Variants in KAT2B observed in about 807,000 individuals in gnomAD.
KAT2B encodes the protein histone acetyltransferase KAT2B.
Under a neutral mutation model 105.9 loss-of-function variants are expected in KAT2B, and 36 were observed. The ratio of observed to expected loss-of-function variants is 0.34; its 90% CI spans 0.26 to 0.45. The LOEUF is 0.45. KAT2B is among the 20% of genes least tolerant of loss of function. KAT2B has a pLI of 1.00. For synonymous variants in KAT2B, 397 were observed against 377.9 expected (o/e 1.05, Z -0.59); for missense variants, 820 against 1,021.6 (o/e 0.80, Z 2.69).
intron 13 of KAT2B, among the ~76,000 whole-genome samples, chr3:20,140,641 C>T (rs780068967): frequency 1.3e-5 from 2 of 152,096 alleles, no homozygotes; most frequent in Non-Finnish European, 2.9e-5. Context: ...CAGGTGTGTG[C>T]TACCATGCCC....
chr3:20,080,095 G>T (rs1698493594), intron 2 of KAT2B, among the ~76,000 whole-genome samples: 1 of 151,948 alleles, frequency 6.6e-6, no homozygotes, highest in African/African-American at 2.4e-5. Flanking sequence ...TTCCATTCCT[G>T]CATACCTGGC....
intron 1 of KAT2B, among the ~76,000 whole-genome samples, chr3:20,044,989 C>T (rs1351233928): frequency 6.6e-6 from 1 of 152,008 alleles, no homozygotes; most frequent in East Asian, 1.9e-4. Context: ...CTAGGTGTCC[C>T]ACAGATATTG....
At chr3:20,151,432 T>A (rs1240101209) in intron 17 of KAT2B, among the ~76,000 whole-genome samples, 2 of 151,868 alleles carry the variant, frequency 1.3e-5, no homozygotes, top group Non-Finnish European at 2.9e-5. Flanking sequence ...ATATTGGTAG[T>A]CAGAAGTGGG....
chr3:20,090,077 TGTTTATTA>T (rs1698690507), intron 2 of KAT2B, among the ~76,000 whole-genome samples: 1 of 152,146 alleles, frequency 6.6e-6, no homozygotes, highest in Non-Finnish European at 1.5e-5. Flanking sequence ...TTACTGAGTT[TGTTTATTA>T]GTTTTAAAAG....
intron 2 of KAT2B, among the ~76,000 whole-genome samples, chr3:20,074,092 G>GAA (rs60601452): frequency 6.7e-6 from 1 of 149,592 alleles, no homozygotes; most frequent in South Asian, 2.1e-4. Flanking sequence ...AATGAAGAAT[G>GAA]AAAAAAAAAA....
chr3:20,151,646 A>C (rs1041645211), intron 17 of KAT2B, among the ~76,000 whole-genome samples: 2 of 152,172 alleles, frequency 1.3e-5, no homozygotes, highest in Non-Finnish European at 2.9e-5. Flanking sequence ...GTTTAGATGG[A>C]GTACTGTTTT....
At chr3:20,150,583 C>T (rs1408457934) in intron 17 of KAT2B, among the ~76,000 whole-genome samples, 1 of 152,114 alleles carries the variant, frequency 6.6e-6, no homozygotes, top group Non-Finnish European at 1.5e-5. Context: ...AATGGTGTCT[C>T]TATATTTGGT....
chr3:20,120,891 A>T (rs1699296392), intron 8 of KAT2B, among the ~76,000 whole-genome samples: 1 of 152,152 alleles, frequency 6.6e-6, no homozygotes, highest in African/African-American at 2.4e-5. Context: ...TATTTAGCAT[A>T]TGCCACCATT....
At chr3:20,131,819 C>G (rs1026129760) in intron 11 of KAT2B, among the ~76,000 whole-genome samples, 5 of 152,122 alleles carry the variant, frequency 3.3e-5, no homozygotes, top group Admixed American at 6.6e-5. Context: ...CCTCCTTGGC[C>G]CCCCAAAGTG....
chr3:20,054,844 C>A (rs1366434387), intron 1 of KAT2B, among the ~76,000 whole-genome samples: 3 of 152,214 alleles, frequency 2.0e-5, no homozygotes, highest in African/African-American at 7.2e-5. Flanking sequence ...CTACCTGACT[C>A]ATCCCACCTC....
chr3:20,067,652 A>T (rs1297545579), intron 1 of KAT2B, among the ~76,000 whole-genome samples: 3 of 152,000 alleles, frequency 2.0e-5, no homozygotes, highest in African/African-American at 7.2e-5. Flanking sequence ...AGATCCTTGA[A>T]TTCTTTCTTT....
chr3:20,081,736 A>G (rs777247394), intron 2 of KAT2B, among the ~76,000 whole-genome samples: 1 of 152,114 alleles, frequency 6.6e-6, no homozygotes, highest in Non-Finnish European at 1.5e-5. Context: ...CAGGTGGAGG[A>G]AAGATTGTAA....
chr3:20,073,258 A>C (rs532451143), intron 2 of KAT2B, among the ~76,000 whole-genome samples: 2 of 152,150 alleles, frequency 1.3e-5, no homozygotes, highest in Non-Finnish European at 2.9e-5. Flanking sequence ...CAAAATGTCA[A>C]CAAGGCCAGT....
At chr3:20,137,166 A>T in intron 12 of KAT2B, 114 bp downstream of exon 12, 1 of 627,402 alleles carries the variant, frequency 1.6e-6, no homozygotes, top group Non-Finnish European at 2.9e-6. Context: ...AAGAACAGGC[A>T]TTTGTTTTAC....
intron 6 of KAT2B, among the ~76,000 whole-genome samples, chr3:20,112,724 G>A (rs561834803): frequency 6.6e-6 from 1 of 152,316 alleles, no homozygotes. Flanking sequence ...AACTGCTGAT[G>A]TAGAGAATAG....
intron 5 of KAT2B, 103 bp from the exon 6 acceptor site, chr3:20,111,493 T>C (rs926449182): frequency 2.1e-6 from 2 of 965,970 alleles, no homozygotes; most frequent in Admixed American, 2.7e-5. Flanking sequence ...CAGGCCTAGT[T>C]TTTTTCTGCT....
At chr3:20,078,518 A>G (rs190324808) in intron 2 of KAT2B, among the ~76,000 whole-genome samples, 1 of 151,206 alleles carries the variant, frequency 6.6e-6, no homozygotes, top group Non-Finnish European at 1.5e-5. Flanking sequence ...GACCACAGAC[A>G]TGCAGCAACA....
intron 1 of KAT2B, among the ~76,000 whole-genome samples, chr3:20,068,151 C>T (rs1698256606): frequency 1.3e-5 from 2 of 151,182 alleles, no homozygotes; most frequent in South Asian, 4.2e-4. Context: ...TGTGCACCAC[C>T]ATGCCGACTA....
intron 1 of KAT2B, among the ~76,000 whole-genome samples, chr3:20,065,297 G>T (rs1442075231): frequency 6.6e-6 from 1 of 152,156 alleles, no homozygotes; most frequent in Non-Finnish European, 1.5e-5. Flanking sequence ...TGGCTTGGCA[G>T]TGCACTCCCT....
Sources: gnomAD v4.1 joint callset for allele counts (sites outside exome capture counted in the v4.1 genomes callset) on GRCh38, gnomAD v4.1.1 for gene constraint, MANE v1.5 for transcripts, NCBI Gene and HGNC (gene_info 2026-07-23, HGNC 2026-07-21) for gene names.